Variants in FBXO4 observed in about 807,000 individuals in gnomAD.
The protein encoded by FBXO4 is F-box protein 4.
FBXO4 carries 36 observed loss-of-function variants against 43.7 expected under a neutral mutation model. The observed-to-expected ratio is 0.82, with a 90% CI of 0.63 to 1.09. The LOEUF (loss-of-function observed/expected upper bound fraction) is 1.09, where lower values mean the gene tolerates loss of function less well. FBXO4 is among the 50% of genes least tolerant of loss of function. The pLI, the probability that FBXO4 is intolerant of heterozygous loss-of-function variation, is 0.00. For synonymous variants in FBXO4, 180 were observed against 165.6 expected (o/e 1.09, Z -0.67); for missense variants, 435 against 474.1 (o/e 0.92, Z 0.77).
chr5:41,987,409 A>G, the FBXO4 span, among the ~76,000 whole-genome samples: 1 of 152,156 alleles, frequency 6.6e-6, no homozygotes, highest in Non-Finnish European at 1.5e-5. Flanking sequence ...CTGTTCCTGC[A>G]TGCCTACATA....
At chr5:42,031,551 T>C in the FBXO4 span, among the ~76,000 whole-genome samples, 1 of 151,800 alleles carries the variant, frequency 6.6e-6, no homozygotes, top group Non-Finnish European at 1.5e-5. Flanking sequence ...ATGGCACATG[T>C]ATACATATGT....
the FBXO4 span, among the ~76,000 whole-genome samples, chr5:41,979,626 A>T: frequency 2.2e-4 from 33 of 152,304 alleles, no homozygotes; most frequent in Non-Finnish European, 5.9e-5. Context: ...AGATGAACAC[A>T]ATGGCTTTCC....
the FBXO4 span, among the ~76,000 whole-genome samples, chr5:41,966,353 A>G: frequency 6.6e-6 from 1 of 152,200 alleles, no homozygotes; most frequent in Admixed American, 6.5e-5. Flanking sequence ...AAGAAACTAT[A>G]CAGATATTCC....
chr5:41,951,922 T>G, the FBXO4 span: 5 of 284,112 alleles, frequency 1.8e-5, no homozygotes, highest in Non-Finnish European at 3.4e-5. Flanking sequence ...ATGGCAGCAG[T>G]AAACTTCAGC....
the FBXO4 span, among the ~76,000 whole-genome samples, chr5:41,959,905 G>T: frequency 3.6e-3 from 551 of 152,092 alleles, 5 homozygotes; most frequent in African/African-American, 9.7e-3. Context: ...AAATGTCATT[G>T]GAATTTGTAT....
At chr5:41,959,472 A>T in the FBXO4 span, among the ~76,000 whole-genome samples, 5 of 152,210 alleles carry the variant, frequency 3.3e-5, no homozygotes, top group Admixed American at 6.5e-5. Context: ...GATAAATGCC[A>T]TGGAGCTTTC....
the FBXO4 span, among the ~76,000 whole-genome samples, chr5:41,956,608 G>A: frequency 1.3e-5 from 2 of 150,924 alleles, no homozygotes; most frequent in African/African-American, 4.9e-5. Flanking sequence ...TTTTCCCCCA[G>A]CAATTTAAAG....
At chr5:42,023,421 G>A in the FBXO4 span, among the ~76,000 whole-genome samples, 3,371 of 152,088 alleles carry the variant, frequency 0.022, 137 homozygotes, top group African/African-American at 0.077. Context: ...CAGGGTTTGG[G>A]CAAACGATGA....
the FBXO4 span, among the ~76,000 whole-genome samples, chr5:41,957,955 T>G: frequency 6.6e-6 from 1 of 152,148 alleles, no homozygotes; most frequent in Admixed American, 6.6e-5. Flanking sequence ...TGTTTCTTTT[T>G]AAAATTTTAT....
downstream of FBXO4, among the ~76,000 whole-genome samples, chr5:41,942,658 T>C (rs1752022852): frequency 6.6e-6 from 1 of 152,134 alleles, no homozygotes; most frequent in African/African-American, 2.4e-5. Flanking sequence ...CAAATCTTTT[T>C]TTCCTCCTCT....
the FBXO4 span, among the ~76,000 whole-genome samples, chr5:42,028,859 C>T: frequency 1.8e-4 from 27 of 151,620 alleles, no homozygotes; most frequent in South Asian, 5.0e-3. Flanking sequence ...CGCTTTTTAC[C>T]TTTTTTTGTT....
the FBXO4 span, among the ~76,000 whole-genome samples, chr5:41,965,575 A>G: frequency 6.6e-6 from 1 of 152,170 alleles, no homozygotes; most frequent in Non-Finnish European, 1.5e-5. Context: ...AATGCTCATC[A>G]TCACTGGACA....
At chr5:42,033,739 G>A in the FBXO4 span, among the ~76,000 whole-genome samples, 57 of 152,240 alleles carry the variant, frequency 3.7e-4, no homozygotes, top group African/African-American at 1.2e-3. Flanking sequence ...ATAGCATTCC[G>A]TGGTGTATAT....
intron 3 of FBXO4, among the ~76,000 whole-genome samples, chr5:41,931,496 C>T (rs959725944): frequency 3.3e-5 from 5 of 152,198 alleles, no homozygotes; most frequent in African/African-American, 1.2e-4. Context: ...TTGATAACTC[C>T]ATGGAAGATC....
chr5:41,932,179 C>T (rs994506175), intron 3 of FBXO4, among the ~76,000 whole-genome samples: 1 of 152,110 alleles, frequency 6.6e-6, no homozygotes, highest in Admixed American at 6.5e-5. Context: ...TTTAAAATTT[C>T]AATTTATGGC....
intron 5 of FBXO4, among the ~76,000 whole-genome samples, chr5:41,938,478 G>A (rs1001832699): frequency 4.6e-5 from 7 of 152,178 alleles, no homozygotes; most frequent in Non-Finnish European, 8.8e-5. Flanking sequence ...AATCTAAGAC[G>A]TATAGGATAC....
chr5:42,007,242 A>T, the FBXO4 span, among the ~76,000 whole-genome samples: 1 of 151,890 alleles, frequency 6.6e-6, no homozygotes, highest in Non-Finnish European at 1.5e-5. Context: ...CTGTCTCTAA[A>T]AAAATAGTAT....
the FBXO4 span, among the ~76,000 whole-genome samples, chr5:41,966,193 G>A: frequency 6.6e-6 from 1 of 152,098 alleles, no homozygotes; most frequent in Non-Finnish European, 1.5e-5. Context: ...TATACCTAAT[G>A]TTAAATGATG....
chr5:41,980,257 G>A, the FBXO4 span, among the ~76,000 whole-genome samples: 1 of 152,118 alleles, frequency 6.6e-6, no homozygotes, highest in African/African-American at 2.4e-5. Flanking sequence ...GACAAGGAAG[G>A]TTCATAGAAA....
Sources: allele counts gnomAD v4.1 joint callset (sites outside exome capture counted in the v4.1 genomes callset), GRCh38; gene constraint gnomAD v4.1.1; transcripts MANE v1.5; gene names NCBI Gene and HGNC (gene_info 2026-07-23, HGNC 2026-07-21).